NFATC3: variants seen among roughly 807,000 people sequenced by gnomAD.
NFATC3 encodes the protein nuclear factor of activated T-cells, cytoplasmic 3.
Under a neutral mutation model 98.6 loss-of-function variants are expected in NFATC3, and 46 were observed. That is an observed-to-expected ratio of 0.47 (90% CI 0.37 to 0.60). NFATC3 has a LOEUF of 0.60. Among genes scored for constraint, NFATC3 ranks in the 20% least tolerant of loss-of-function variants. The pLI is 0.00. For synonymous variants in NFATC3, 512 were observed against 472.2 expected (o/e 1.08, Z -1.09); for missense variants, 1,256 against 1,295.5 (o/e 0.97, Z 0.47).
chr16:68,157,241 C>G (rs956811515), intron 3 of NFATC3, among the ~76,000 whole-genome samples: 5 of 151,626 alleles, frequency 3.3e-5, no homozygotes, highest in African/African-American at 1.2e-4. Context: ...TCCCTCTCTC[C>G]CTCTTTCTCT....
chr16:68,088,863 A>G (rs2151436928), intron 1 of NFATC3: 1 of 396,554 alleles, frequency 2.5e-6, no homozygotes, highest in Non-Finnish European at 3.4e-6. Flanking sequence ...TAGAGATGGA[A>G]GTCTCACTAT....
At chr16:68,110,497 G>A (rs2151479986) in intron 1 of NFATC3, among the ~76,000 whole-genome samples, 1 of 151,030 alleles carries the variant, frequency 6.6e-6, no homozygotes. Context: ...TTTTTTTTTA[G>A]TAGAGACGGG....
Position 68,122,420 on chromosome 16 carries a change from A to G in NFATC3, c.537A>G (p.Ala179=), listed in dbSNP as rs2036619172. Reference sequence around the variant, plus strand: ...CTTCTAGGAGTTGGTTCTCTGATGCATCTTCTTGTGAATCGCTTTCACATA... The same window carrying G: ...CTTCTAGGAGTTGGTTCTCTGATGCGTCTTCTTGTGAATCGCTTTCACATA... ...SISSRSWFSD[A]SSCESLSHIY... The change falls in exon 2 of 10, where the codon GCA becomes GCG. Residue 179 remains alanine (A), a synonymous_variant. Coordinates refer to ENST00000346183, the MANE Select transcript of NFATC3 (RefSeq NM_173165.3). 4 of 1,614,086 alleles carry G rather than the reference A, an allele frequency of 2.5e-6. No individual in the cohort carries two copies. Among genetic ancestry groups the G allele is most frequent in the Non-Finnish European group, 2.5e-6 (3 of 1,180,010 alleles).
chr16:68,141,206 G>A (rs1206496999), intron 3 of NFATC3, among the ~76,000 whole-genome samples: 1 of 152,026 alleles, frequency 6.6e-6, no homozygotes, highest in Non-Finnish European at 1.5e-5. Context: ...TCTACTCATG[G>A]CTGATGGGCA....
At chr16:68,098,297 ATTATTTTTTTTTT>A (rs1412520759) in intron 1 of NFATC3, among the ~76,000 whole-genome samples, 4 of 101,454 alleles carry the variant, frequency 3.9e-5, no homozygotes, top group Non-Finnish European at 5.7e-5. Context: ...TATTATTATT[ATTATTTTTTTTTT>A]TTTTTTTTTA....
rs1365462288 is a variant in NFATC3, at chr16:68,174,118, A to G, written c.1775-256A>G. Among the ~76,000 whole-genome samples, 5 of 152,318 alleles carry G rather than the reference A, an allele frequency of 3.3e-5. No individual in the cohort carries two copies. In the East Asian group the frequency reaches 9.6e-4, roughly 29 times the overall value. ...GCTAGGATCACATCACTGTGCTCCA[A>G]TTTGGGCAACAGAGTGAGACCCTTT... is the stretch of plus-strand genomic sequence containing the variant. On this transcript the variant is annotated intron_variant, in intron 5 of 9. Coordinates refer to ENST00000346183, the MANE Select transcript of NFATC3 (RefSeq NM_173165.3).
chr16:68,113,923 A>G (rs2036122721), intron 1 of NFATC3, among the ~76,000 whole-genome samples: 1 of 152,160 alleles, frequency 6.6e-6, no homozygotes, highest in Non-Finnish European at 1.5e-5. Flanking sequence ...TTTCCCCAAC[A>G]CCAGCAAAGG....
intron 9 of NFATC3, chr16:68,214,513 C>A: frequency 8.2e-7 from 1 of 1,213,850 alleles, no homozygotes; most frequent in Non-Finnish European, 1.2e-6. Context: ...GCATGTGCTA[C>A]AGAGGAGGGG....
chr16:68,205,299 G>A (rs1032906346), intron 9 of NFATC3, among the ~76,000 whole-genome samples: 10 of 152,132 alleles, frequency 6.6e-5, no homozygotes, highest in Non-Finnish European at 1.3e-4. Flanking sequence ...TCAGGCTGGA[G>A]TGCAGTGGGA....
intron 9 of NFATC3, among the ~76,000 whole-genome samples, chr16:68,219,662 A>G (rs958459719): frequency 1.3e-5 from 2 of 152,240 alleles, no homozygotes; most frequent in Non-Finnish European, 2.9e-5. Flanking sequence ...CAGGAAAAGA[A>G]TAACATGACC....
chr16:68,123,497 C>CAAA (rs547564860), intron 2 of NFATC3, among the ~76,000 whole-genome samples: 2 of 73,834 alleles, frequency 2.7e-5, no homozygotes, highest in African/African-American at 4.5e-5. Flanking sequence ...CCTGTCTCTA[C>CAAA]AAAAAAAAAA....
chr16:68,146,554 C>T (rs2038050351), intron 3 of NFATC3, among the ~76,000 whole-genome samples: 1 of 151,988 alleles, frequency 6.6e-6, no homozygotes, highest in African/African-American at 2.4e-5. Context: ...TTTATGCATA[C>T]TTTCATTTTA....
intron 2 of NFATC3, among the ~76,000 whole-genome samples, chr16:68,126,216 T>C (rs2036830036): frequency 1.3e-5 from 2 of 152,218 alleles, no homozygotes; most frequent in Non-Finnish European, 2.9e-5. Flanking sequence ...TATTTATCTT[T>C]AAGCATGTAC....
intron 1 of NFATC3, among the ~76,000 whole-genome samples, chr16:68,094,596 C>T (rs1567493424): frequency 6.6e-6 from 1 of 152,116 alleles, no homozygotes; most frequent in African/African-American, 2.4e-5. Context: ...TTCTCTCTCT[C>T]TTGTACATAC....
chr16:68,106,845 G>A (rs1406656610), intron 1 of NFATC3, among the ~76,000 whole-genome samples: 1 of 151,798 alleles, frequency 6.6e-6, no homozygotes, highest in Non-Finnish European at 1.5e-5. Context: ...TGCCACACCT[G>A]TCAAGCCATT....
rs2036842373 is a variant in NFATC3 at position 68,126,606 on chromosome 16, T to C, written c.1397T>C (p.Val466Ala). ...GCATCTACTGGGGGACATCCTGTTG[T>C]GAAGGTATGAGACTTTTGGGGCTTG... ...VKASTGGHPVVKLLGYNEKPI... is the reference protein window; with the variant it reads ...VKASTGGHPVAKLLGYNEKPI... The change falls in exon 3 of 10, where the codon GTG becomes GCG. Residue 466 changes from valine to alanine, a missense_variant. Around this residue, in one of 3 missense-constraint regions of NFATC3, gnomAD observed 156 missense variants for 212.4 expected, o/e 0.73. Transcript: ENST00000346183. 1.9e-6 allele frequency: 3 copies of C among 1,614,060 alleles called. 1 individual carries two copies. Among genetic ancestry groups the C allele is most frequent in the Middle Eastern group, 3.3e-4 (2 of 6,060 alleles).
intron 8 of NFATC3, among the ~76,000 whole-genome samples, chr16:68,184,856 T>C (rs1486664207): frequency 6.6e-6 from 1 of 152,136 alleles, no homozygotes; most frequent in East Asian, 1.9e-4. Context: ...AAATAGTTTT[T>C]GTAAAGAGAG....
intron 1 of NFATC3, among the ~76,000 whole-genome samples, chr16:68,088,391 TC>T: frequency 6.8e-6 from 1 of 146,910 alleles, no homozygotes; most frequent in South Asian, 2.1e-4. Flanking sequence ...AATGTATATT[TC>T]ATATATAATA....
At chr16:68,145,893 A>G (rs760364374) in intron 3 of NFATC3, among the ~76,000 whole-genome samples, 1 of 152,172 alleles carries the variant, frequency 6.6e-6, no homozygotes, top group African/African-American at 2.4e-5. Flanking sequence ...TATCAGTGTC[A>G]ATGTCCTGGT....
Sources: gnomAD v4.1 joint callset for allele counts (sites outside exome capture counted in the v4.1 genomes callset) on GRCh38, gnomAD v4.1.1 for gene constraint, gnomAD v4.1.1 regional missense constraint, MANE v1.5 for transcripts, NCBI Gene and HGNC (gene_info 2026-07-23, HGNC 2026-07-21) for gene names.